The following KCNH7 variants were observed in gnomAD, a reference collection of about 807,000 sequenced individuals.
KCNH7 encodes the protein voltage-gated inwardly rectifying potassium channel KCNH7.
KCNH7 carries 49 observed loss-of-function variants against 120.8 expected under a neutral mutation model. The ratio of observed to expected loss-of-function variants is 0.41; its 90% CI spans 0.32 to 0.51. KCNH7 has a LOEUF of 0.51. Ranked by LOEUF, KCNH7 falls within the 20% of genes least tolerant of loss-of-function variation. The probability of loss-of-function intolerance (pLI) is 0.38; values close to 1 mark genes in which losing one functional copy is unlikely to be tolerated. For missense variants in KCNH7, 1,097 were observed against 1,446.6 expected, an observed-to-expected ratio of 0.76 and a Z score of 3.92; for synonymous variants, 547 against 516.1, an observed-to-expected ratio of 1.06 and a Z score of -0.81.
At position 162,608,421 on chromosome 2, in the gene KCNH7, G is replaced by A. The variant is rs114489631; in HGVS notation, c.308-71341C>T. On this transcript the variant is annotated intron_variant, in intron 2 of 15. Coordinates refer to ENST00000332142, the MANE Select transcript of KCNH7 (RefSeq NM_033272.4). ...GACCATAGCTGGGCATAATGTGGGC[G>A]CAGTTCTGTACTCAGAAGCCATTTC... Among the ~76,000 whole-genome samples, 706 of 152,240 alleles carry A rather than the reference G, an allele frequency of 4.6e-3. 7 individuals are homozygous for A. Among genetic ancestry groups the A allele is most frequent in the African/African-American group, 0.016 (671 of 41,540 alleles).
intron 2 of KCNH7, among the ~76,000 whole-genome samples, chr2:162,555,845 G>T (rs1437045852): frequency 6.6e-6 from 1 of 151,874 alleles, no homozygotes. Context: ...TTGAGTAAAA[G>T]TCTTTTTATA....
At position 162,372,571 on chromosome 2, in the gene KCNH7, A is replaced by G. The variant is rs531684367; in HGVS notation, c.3325-476T>C. Among the ~76,000 whole-genome samples the G allele has an allele frequency of 7.3e-5, 11 of 150,248 alleles. No individual in the cohort carries two copies. In the South Asian group the frequency reaches 2.1e-3, roughly 28 times the overall value. Reference sequence around the variant, plus strand: ...GTTTTACATGTTTCCCAGTCATTCAAAACTAGTTAAATTAATTTCTACTTT... The same window carrying G: ...GTTTTACATGTTTCCCAGTCATTCAGAACTAGTTAAATTAATTTCTACTTT... On this transcript the variant is annotated intron_variant, in intron 15 of 15. Coordinates refer to ENST00000332142, the MANE Select transcript of KCNH7 (RefSeq NM_033272.4).
At chr2:162,799,507 GA>G (rs1410491590) in intron 2 of KCNH7, among the ~76,000 whole-genome samples, 1 of 151,692 alleles carries the variant, frequency 6.6e-6, no homozygotes, top group Non-Finnish European at 1.5e-5. Context: ...TTAATATTTA[GA>G]ATACTGTTTC....
chr2:162,620,161 T>C (rs187853234), intron 2 of KCNH7, among the ~76,000 whole-genome samples: 2 of 149,330 alleles, frequency 1.3e-5, no homozygotes, highest in South Asian at 4.2e-4. Context: ...GATATATATA[T>C]AGAGAGAGAG....
chr2:162,777,664 A>C (rs1435001), intron 2 of KCNH7, among the ~76,000 whole-genome samples: 42,528 of 151,946 alleles, frequency 0.28, 6,894 homozygotes, highest in African/African-American at 0.45. Context: ...GTGAGGTTTT[A>C]ATCATCCTCA....
At chr2:162,759,740 A>G (rs1688905068) in intron 2 of KCNH7, among the ~76,000 whole-genome samples, 1 of 152,058 alleles carries the variant, frequency 6.6e-6, no homozygotes, top group South Asian at 2.1e-4. Context: ...AGGAAAGAGT[A>G]GAAAAAGAAA....
At chr2:162,787,439 C>T (rs927284417) in intron 2 of KCNH7, among the ~76,000 whole-genome samples, 10 of 151,936 alleles carry the variant, frequency 6.6e-5, no homozygotes, top group Admixed American at 1.3e-4. Context: ...AGGACCAACC[C>T]GGTGCCAGGC....
chr2:162,485,855 C>T (rs1055054994), intron 6 of KCNH7, among the ~76,000 whole-genome samples: 2 of 152,178 alleles, frequency 1.3e-5, no homozygotes, highest in African/African-American at 4.8e-5. Flanking sequence ...TGCCAGTCAA[C>T]CAGGAAAGAG....
intron 2 of KCNH7, 110 bp from the exon 3 acceptor site, chr2:162,537,190 A>G (rs1692138447): frequency 1.3e-6 from 1 of 741,506 alleles, no homozygotes; most frequent in Non-Finnish European, 2.1e-6. Flanking sequence ...TTAAATGATC[A>G]CTGATATTAA....
chr2:162,755,531 G>A (rs1688760208), intron 2 of KCNH7, among the ~76,000 whole-genome samples: 1 of 152,014 alleles, frequency 6.6e-6, no homozygotes, highest in South Asian at 2.1e-4. Flanking sequence ...ATTTAATGTA[G>A]TTTGTTTACC....
intron 6 of KCNH7, among the ~76,000 whole-genome samples, chr2:162,447,153 C>A (rs1368744539): frequency 1.3e-5 from 2 of 151,950 alleles, no homozygotes; most frequent in African/African-American, 4.8e-5. Flanking sequence ...AGAATATTGA[C>A]CTGGAAATGT....
chr2:162,497,859 A>G (rs1690547175), intron 6 of KCNH7, among the ~76,000 whole-genome samples: 1 of 152,168 alleles, frequency 6.6e-6, no homozygotes, highest in Non-Finnish European at 1.5e-5. Flanking sequence ...AGAAATCATG[A>G]AAGTTACCAT....
intron 2 of KCNH7, among the ~76,000 whole-genome samples, chr2:162,835,609 T>A (rs914542084): frequency 7.9e-5 from 12 of 151,812 alleles, no homozygotes; most frequent in African/African-American, 2.7e-4. Context: ...TATCATTTTG[T>A]ATAGATATAT....
At chr2:162,486,157 T>C (rs1690088404) in intron 6 of KCNH7, among the ~76,000 whole-genome samples, 1 of 152,104 alleles carries the variant, frequency 6.6e-6, no homozygotes, top group South Asian at 2.1e-4. Context: ...AGACCACGGT[T>C]ATATTCTGGT....
intron 2 of KCNH7, among the ~76,000 whole-genome samples, chr2:162,601,527 C>T (rs1401761036): frequency 6.9e-6 from 1 of 144,844 alleles, no homozygotes; most frequent in Non-Finnish European, 1.5e-5. Flanking sequence ...AGTTAAATGT[C>T]ATGTTCCCTA....
At chr2:162,794,193 A>G (rs1265277397) in intron 2 of KCNH7, among the ~76,000 whole-genome samples, 1 of 151,878 alleles carries the variant, frequency 6.6e-6, no homozygotes, top group East Asian at 1.9e-4. Flanking sequence ...TTGATAGTAA[A>G]GTCAAAACAT....
chr2:162,786,101 A>G (rs10180316), intron 2 of KCNH7, among the ~76,000 whole-genome samples: 86,098 of 151,716 alleles, frequency 0.57, 27,220 homozygotes, highest in South Asian at 0.75. Context: ...AAATCACCTG[A>G]GCATGGTGGT....
intron 2 of KCNH7, among the ~76,000 whole-genome samples, chr2:162,782,045 C>A: frequency 6.6e-6 from 1 of 152,328 alleles, no homozygotes; most frequent in South Asian, 2.1e-4. Flanking sequence ...ATTCATGACA[C>A]AAAACCCATG....
At chr2:162,457,641 C>T (rs150345238) in intron 6 of KCNH7, among the ~76,000 whole-genome samples, 2,059 of 152,228 alleles carry the variant, frequency 0.014, 133 homozygotes, top group Admixed American at 0.12. Context: ...CAATAGAGAA[C>T]GATTAAGCTT....
Sources: allele counts gnomAD v4.1 joint callset (sites outside exome capture counted in the v4.1 genomes callset), GRCh38; gene constraint gnomAD v4.1.1; transcripts MANE v1.5; gene names NCBI Gene and HGNC (gene_info 2026-07-23, HGNC 2026-07-21).